The following C6orf52 variants were observed in gnomAD, a reference collection of about 807,000 sequenced individuals.
C6orf52 encodes the protein chromosome 6 open reading frame 52.
Under a neutral mutation model 16.6 loss-of-function variants are expected in C6orf52, and 16 were observed. The ratio of observed to expected loss-of-function variants is 0.96; its 90% CI spans 0.65 to 1.46. The LOEUF (loss-of-function observed/expected upper bound fraction) is 1.46, where lower values mean the gene tolerates loss of function less well. Among genes scored for constraint, C6orf52 ranks in the 40% most tolerant of loss-of-function variants. C6orf52 has a pLI of 0.00. For missense variants in C6orf52, 166 were observed against 182.3 expected (o/e 0.91, Z 0.52); for synonymous variants, 53 against 61.4 (o/e 0.86, Z 0.64).
chr6:10,682,050 T>C (rs1768444156), intron 4 of C6orf52, among the ~76,000 whole-genome samples: 1 of 152,174 alleles, frequency 6.6e-6, no homozygotes, highest in African/African-American at 2.4e-5. Context: ...CCTTTTCAAC[T>C]CGTATGTGAT....
chr6:10,688,353 CA>C (rs1769026367), intron 1 of C6orf52, among the ~76,000 whole-genome samples: 1 of 152,192 alleles, frequency 6.6e-6, no homozygotes, highest in African/African-American at 2.4e-5. Context: ...CTTGAAGTAG[CA>C]AGGTTACACA....
At chr6:10,685,812 T>C (rs1449302163) in intron 3 of C6orf52, among the ~76,000 whole-genome samples, 1 of 152,166 alleles carries the variant, frequency 6.6e-6, no homozygotes, top group African/African-American at 2.4e-5. Context: ...CAGACAAATG[T>C]AGAGTAGCAA....
At chr6:10,694,166 AG>A (rs1000038898) in intron 1 of C6orf52, among the ~76,000 whole-genome samples, 124 of 150,880 alleles carry the variant, frequency 8.2e-4, no homozygotes, top group African/African-American at 2.9e-3. Context: ...AGGCTGAGGC[AG>A]GAGAATTGCT....
intron 1 of C6orf52, among the ~76,000 whole-genome samples, chr6:10,691,834 G>GT (rs530591718): frequency 1.9e-4 from 28 of 151,018 alleles, no homozygotes; most frequent in African/African-American, 5.6e-4. Flanking sequence ...AAGTTTTGGG[G>GT]TTTTTTTTTC....
rs1768947740 is a variant in C6orf52 at position 10,687,390 on chromosome 6, A to G, written c.71+90T>C. 7 of 1,065,644 alleles carry G rather than the reference A, an allele frequency of 6.6e-6. No homozygotes were observed. In the Admixed American group the frequency reaches 1.5e-4, roughly 24 times the overall value. The allele number at this position is 1,065,644 out of a possible 1,614,324, so 66.0% of individuals were successfully genotyped here. ...ACATGTACCCCAGAACTTTAAAAAA[A>G]AAAAAGCCATAGTTTGTAAGTTACC... is the stretch of plus-strand genomic sequence containing the variant. On this transcript the variant is annotated intron_variant, in intron 2 of 4. Coordinates refer to ENST00000259983, the MANE Select transcript of C6orf52 (RefSeq NM_001145020.3).
At chr6:10,692,718 G>A (rs930385760) in intron 1 of C6orf52, among the ~76,000 whole-genome samples, 1 of 152,010 alleles carries the variant, frequency 6.6e-6, no homozygotes, top group African/African-American at 2.4e-5. Flanking sequence ...CACTGCGTCT[G>A]GCCATTTTAT....
At chr6:10,688,210 T>A (rs9348641) in intron 1 of C6orf52, among the ~76,000 whole-genome samples, 133,064 of 151,134 alleles carry the variant, frequency 0.88, 59,988 homozygotes, top group Non-Finnish European at 0.97. Context: ...TTTTTTTTTT[T>A]AAAAAAAGCA....
At chr6:10,671,732 T>C in intron 4 of C6orf52, 134 bp from the exon 5 acceptor site, 1 of 529,146 alleles carries the variant, frequency 1.9e-6, no homozygotes, top group Non-Finnish European at 3.2e-6. Context: ...AATTCTTAAA[T>C]TGCATATTTC....
intron 4 of C6orf52, among the ~76,000 whole-genome samples, chr6:10,672,245 T>C (rs2127458132): frequency 6.6e-6 from 1 of 152,338 alleles, no homozygotes; most frequent in African/African-American, 2.4e-5. Flanking sequence ...CTCCTTGTAC[T>C]GAATGTAATG....
rs1191223257 is a variant in C6orf52 at position 10,687,373 on chromosome 6, C to T, written c.71+107G>A. 20 of 928,434 alleles carry T rather than the reference C, an allele frequency of 2.2e-5. No individual in the cohort carries two copies. The Admixed American group carries it at 4.6e-4, about 21-fold the overall frequency. 57.5% of individuals were successfully genotyped at this position (928,434 alleles called of 1,614,324 possible). A position where few individuals can be genotyped will look rare whatever the true frequency, so the allele number is the denominator to read the frequency against. ...AAACCTGCACGTTCTGCACATGTAC[C>T]CCAGAACTTTAAAAAAAAAAAAGCC... On this transcript the variant is annotated intron_variant, in intron 2 of 4. Coordinates refer to ENST00000259983, the MANE Select transcript of C6orf52 (RefSeq NM_001145020.3).
chr6:10,685,915 C>T (rs1429680829), intron 3 of C6orf52, among the ~76,000 whole-genome samples: 1 of 152,168 alleles, frequency 6.6e-6, no homozygotes, highest in Non-Finnish European at 1.5e-5. Context: ...TTTAATCCAG[C>T]CCTTCCACAT....
At chr6:10,694,299 C>T (rs1385827146) in intron 1 of C6orf52, among the ~76,000 whole-genome samples, 195 bp downstream of exon 1, 4 of 151,702 alleles carry the variant, frequency 2.6e-5, no homozygotes, top group South Asian at 2.1e-4. Flanking sequence ...ACTGCTCCCT[C>T]CCCAGGAGGT....
chr6:10,680,116 T>C (rs1294674007), intron 4 of C6orf52, among the ~76,000 whole-genome samples: 2 of 152,066 alleles, frequency 1.3e-5, no homozygotes, highest in Non-Finnish European at 2.9e-5. Flanking sequence ...TAGCTGGGCA[T>C]GGTGTCATGC....
rs148405678 is a variant in C6orf52 at position 10,675,705 on chromosome 6, A to G, written c.317-4107T>C. Reference sequence around the variant, plus strand: ...ACATTTGTTATCTTTCGTCTTTTTGATAACAGCCATTCTATCAGGAGTGAG... The same window carrying G: ...ACATTTGTTATCTTTCGTCTTTTTGGTAACAGCCATTCTATCAGGAGTGAG... On this transcript the variant is annotated intron_variant, in intron 4 of 4. Transcript: ENST00000259983. Among the ~76,000 whole-genome samples, 405 of 152,304 alleles carry G rather than the reference A, an allele frequency of 2.7e-3. 3 individuals are homozygous for G. Among genetic ancestry groups the G allele is most frequent in the African/African-American group, 9.0e-3 (373 of 41,550 alleles).
chr6:10,688,492 C>T (rs768516197), intron 1 of C6orf52, among the ~76,000 whole-genome samples: 1 of 152,184 alleles, frequency 6.6e-6, no homozygotes, highest in Non-Finnish European at 1.5e-5. Flanking sequence ...AAATAGCAAA[C>T]ATGATGAATT....
intron 4 of C6orf52, among the ~76,000 whole-genome samples, chr6:10,675,410 T>G: frequency 6.6e-6 from 1 of 152,244 alleles, no homozygotes; most frequent in East Asian, 1.9e-4. Flanking sequence ...TATACGCATT[T>G]TCTTTATCCA....
intron 1 of C6orf52, among the ~76,000 whole-genome samples, chr6:10,693,624 A>T (rs1413976156): frequency 1.3e-5 from 2 of 152,262 alleles, no homozygotes; most frequent in African/African-American, 2.4e-5. Flanking sequence ...CAAATGACCT[A>T]CTACGGTGTT....
At chr6:10,681,864 T>C (rs571430809) in intron 4 of C6orf52, among the ~76,000 whole-genome samples, 1 of 152,336 alleles carries the variant, frequency 6.6e-6, no homozygotes, top group African/African-American at 2.4e-5. Flanking sequence ...GCCCAAGTCA[T>C]TGTGCACAGG....
At chr6:10,689,850 T>A (rs1237394451) in intron 1 of C6orf52, among the ~76,000 whole-genome samples, 1 of 152,244 alleles carries the variant, frequency 6.6e-6, no homozygotes, top group Non-Finnish European at 1.5e-5. Context: ...GGCCTACCGC[T>A]GGTTTACTTA....
Sources: allele counts gnomAD v4.1 joint callset (sites outside exome capture counted in the v4.1 genomes callset), GRCh38; gene constraint gnomAD v4.1.1; transcripts MANE v1.5; gene names NCBI Gene and HGNC (gene_info 2026-07-23, HGNC 2026-07-21).